Variants in EREG observed in about 807,000 individuals in gnomAD.
The protein encoded by EREG is epiregulin, also known as proepiregulin.
EREG carries 23 observed loss-of-function variants against 22.4 expected under a neutral mutation model. The ratio of observed to expected loss-of-function variants is 1.03; its 90% confidence interval spans 0.74 to 1.46. EREG has a LOEUF of 1.46. Ranked by LOEUF, EREG falls within the 40% of genes most tolerant of loss-of-function variation. The probability of loss-of-function intolerance (pLI) is 0.00; values close to 1 mark genes in which losing one functional copy is unlikely to be tolerated. For synonymous variants in EREG, 100 were observed against 75.4 expected (o/e 1.33, Z -1.69); for missense variants, 226 against 205.9 (o/e 1.10, Z -0.60).
intron 1 of EREG, among the ~76,000 whole-genome samples, chr4:74,370,435 T>C (rs1189322692): frequency 6.6e-6 from 1 of 152,212 alleles, no homozygotes; most frequent in Non-Finnish European, 1.5e-5. Context: ...AAAATGTATT[T>C]AAAAATATTA....
chr4:74,381,149 G>C lies in EREG; in HGVS notation c.278+12G>C. On this transcript the variant is annotated intron_variant, in intron 3 of 4. Transcript: ENST00000244869. ...CAAAACTACTGCAGGTAATATGTCA[G>C]AAATAAACAAACACAGTTTGTAAAA... 1 of 1,604,760 alleles carries C rather than the reference G, an allele frequency of 6.2e-7. No homozygotes were observed. The highest frequency in any genetic ancestry group is 8.5e-7 in the Non-Finnish European group (1 of 1,177,070).
At chr4:74,381,554 C>T (rs964562093) in intron 3 of EREG, 1 of 152,662 alleles carries the variant, frequency 6.6e-6, no homozygotes, top group African/African-American at 2.4e-5. Context: ...TAAATAGTAG[C>T]TTTTAAATTG....
intron 1 of EREG, among the ~76,000 whole-genome samples, chr4:74,376,703 A>G (rs1314018414): frequency 2.0e-5 from 3 of 152,218 alleles, no homozygotes; most frequent in Non-Finnish European, 4.4e-5. Flanking sequence ...GATAATTCTG[A>G]ACTTTAAAGA....
intron 1 of EREG, among the ~76,000 whole-genome samples, chr4:74,373,840 T>G (rs983365320): frequency 6.6e-6 from 1 of 151,964 alleles, no homozygotes; most frequent in Admixed American, 6.6e-5. Flanking sequence ...GTATCTGATG[T>G]GATAATGAGT....
In EREG at chr4:74,388,465, A is replaced by T. The variant is rs1371000271; in HGVS notation, c.*3657A>T. 3 of 152,556 alleles carry T rather than the reference A, an allele frequency of 2.0e-5. No homozygotes were observed. The highest frequency in any genetic ancestry group is 4.4e-5 in the Non-Finnish European group (3 of 67,994). The allele number at this position is 152,556 out of a possible 1,614,324, so 9.5% of individuals were successfully genotyped here. A position where few individuals can be genotyped will look rare whatever the true frequency, so the allele number is the denominator to read the frequency against. On this transcript the variant is annotated 3_prime_UTR_variant, in exon 5 of 5. Coordinates refer to ENST00000244869, the MANE Select transcript of EREG (RefSeq NM_001432.3). The stretch of plus-strand genomic sequence containing the variant: ...TTTGCACTCTGTAATTGCACTTTTT[A>T]AGTTTGAAGAGCCATTTTGGTAAAC...
At chr4:74,377,997 G>A (rs531892619) in intron 1 of EREG, among the ~76,000 whole-genome samples, 2 of 152,284 alleles carry the variant, frequency 1.3e-5, no homozygotes, top group East Asian at 1.9e-4. Context: ...GAGATGGATC[G>A]TCCTCTGTCT....
At chr4:74,371,950 A>T (rs1011032705) in intron 1 of EREG, among the ~76,000 whole-genome samples, 8 of 151,656 alleles carry the variant, frequency 5.3e-5, no homozygotes, top group Non-Finnish European at 2.9e-5. Context: ...AAGTCTATTT[A>T]GGGCAGGAAC....
At chr4:74,369,883 A>C (rs1465912894) in intron 1 of EREG, among the ~76,000 whole-genome samples, 1 of 152,174 alleles carries the variant, frequency 6.6e-6, no homozygotes, top group Non-Finnish European at 1.5e-5. Flanking sequence ...TTAATGGATA[A>C]GATGATACAT....
chr4:74,388,387 C>G lies in EREG; in HGVS notation c.*3579C>G, dbSNP rs898458436. 1 of 152,358 alleles carries G rather than the reference C, an allele frequency of 6.6e-6. No homozygotes were observed. Among genetic ancestry groups the G allele is most frequent in the Non-Finnish European group, 1.5e-5 (1 of 68,000 alleles). The allele number at this position is 152,358 out of a possible 1,614,324, so 9.4% of individuals were successfully genotyped here. A position where few individuals can be genotyped will look rare whatever the true frequency, so the allele number is the denominator to read the frequency against. On this transcript the variant is annotated 3_prime_UTR_variant, in exon 5 of 5. Coordinates refer to ENST00000244869, the MANE Select transcript of EREG (RefSeq NM_001432.3). ...AAAAAGAGTAATTTCATTTAAATATCTGTTATTCAAATTTGATGATGTTAA... is the reference window on the plus strand; with the variant it reads ...AAAAAGAGTAATTTCATTTAAATATGTGTTATTCAAATTTGATGATGTTAA...
chr4:74,379,392 T>C, intron 1 of EREG, 56 bp from the exon 2 acceptor site: 1 of 1,093,054 alleles, frequency 9.1e-7, no homozygotes, highest in Non-Finnish European at 1.4e-6. Context: ...AGAAATTTGA[T>C]CAAGATTTCT....
Position 74,366,618 on chromosome 4 carries a change from C to T in EREG, c.67+1243C>T, listed in dbSNP as rs189293429. On this transcript the variant is annotated intron_variant, in intron 1 of 4. Transcript: ENST00000244869. ...GAAATTAACCTCGAGGTCAGAATAACTTAGCACTTATTATTTTCCCCACAT... is the reference window on the plus strand; with the variant it reads ...GAAATTAACCTCGAGGTCAGAATAATTTAGCACTTATTATTTTCCCCACAT... Among the ~76,000 whole-genome samples, 203 of 152,296 alleles carry T rather than the reference C, an allele frequency of 1.3e-3. 2 individuals are homozygous for T. The highest frequency in any genetic ancestry group is 4.6e-3 in the African/African-American group (190 of 41,564).
rs1752558126 is a variant in EREG at position 74,385,702 on chromosome 4, A to G, written c.*894A>G. On this transcript the variant is annotated 3_prime_UTR_variant, in exon 5 of 5. Coordinates refer to ENST00000244869, the MANE Select transcript of EREG (RefSeq NM_001432.3). The stretch of plus-strand genomic sequence containing the variant: ...TTTCTTTTTATAGGGGCTTTGCTGA[A>G]TTCTAACATTAAATCACAGCCCAAA... The G allele has an allele frequency of 2.7e-6, 1 of 373,702 alleles. No homozygotes were observed. Among genetic ancestry groups the G allele is most frequent in the Non-Finnish European group, 4.8e-6 (1 of 210,184 alleles). The allele number at this position is 373,702 out of a possible 1,614,324, so 23.1% of individuals were successfully genotyped here.
intron 4 of EREG, 112 bp downstream of exon 4, chr4:74,382,906 T>C: frequency 1.3e-6 from 1 of 757,496 alleles, no homozygotes; most frequent in Non-Finnish European, 2.1e-6. Flanking sequence ...ATCAAACCTG[T>C]ACAAATGATA....
intron 1 of EREG, among the ~76,000 whole-genome samples, chr4:74,373,032 G>A (rs967735715): frequency 7.2e-6 from 1 of 138,524 alleles, no homozygotes; most frequent in African/African-American, 2.7e-5. Context: ...GGCCAGGATG[G>A]TCTCGATCTC....
At chr4:74,377,172 A>C (rs963481960) in intron 1 of EREG, among the ~76,000 whole-genome samples, 7 of 152,050 alleles carry the variant, frequency 4.6e-5, no homozygotes, top group African/African-American at 1.4e-4. Context: ...AAAAAAAAAA[A>C]AAACATTAGT....
rs1752497911 is a variant in EREG, at chr4:74,382,669, C to A, written c.303C>A (p.Val101=). The A allele has an allele frequency of 1.2e-6, 2 of 1,611,034 alleles. No individual in the cohort carries two copies. Among genetic ancestry groups the A allele is most frequent in the Non-Finnish European group, 8.5e-7 (1 of 1,178,690 alleles). ...GGTGTGAAGTGGGTTATACTGGTGT[C>A]CGATGTGAACACTTCTTTTTAACCG... ...YCRCEVGYTG[V]RCEHFFLTVH... Residue 101 remains valine, a synonymous_variant, in exon 4 of 5, where the codon GTC becomes GTA. Coordinates refer to ENST00000244869, the MANE Select transcript of EREG (RefSeq NM_001432.3).
intron 1 of EREG, among the ~76,000 whole-genome samples, chr4:74,370,854 C>G (rs749719825): frequency 2.0e-5 from 3 of 152,218 alleles, no homozygotes; most frequent in Non-Finnish European, 2.9e-5. Flanking sequence ...GATAAGGCAG[C>G]TCAGTTGCAG....
intron 1 of EREG, among the ~76,000 whole-genome samples, chr4:74,373,993 C>G (rs1184861271): frequency 6.6e-6 from 1 of 152,110 alleles, no homozygotes; most frequent in Non-Finnish European, 1.5e-5. Context: ...ACGTTATAGA[C>G]AAATTCTAAA....
In EREG at chr4:74,385,569, T is replaced by C. The variant is rs1752556504; in HGVS notation, c.*761T>C. On this transcript the variant is annotated 3_prime_UTR_variant, in exon 5 of 5. Transcript: ENST00000244869. Reference sequence around the variant, plus strand: ...TTTCATAGCTTCACAATGTTCCTTTTTTGTATATTACAACATTTATGTGAG... The same window carrying C: ...TTTCATAGCTTCACAATGTTCCTTTCTTGTATATTACAACATTTATGTGAG... The C allele has an allele frequency of 3.9e-6, 1 of 253,872 alleles. No individual in the cohort carries two copies. The highest frequency in any genetic ancestry group is 5.4e-5 in the Admixed American group (1 of 18,428). 15.7% of individuals were successfully genotyped at this position (253,872 alleles called of 1,614,324 possible).
Sources: allele counts gnomAD v4.1 joint callset (sites outside exome capture counted in the v4.1 genomes callset), GRCh38; gene constraint gnomAD v4.1.1; transcripts MANE v1.5; gene names NCBI Gene and HGNC (gene_info 2026-07-23, HGNC 2026-07-21).